Variants in ASPH observed in about 807,000 individuals in gnomAD.
ASPH encodes the protein aspartyl/asparaginyl beta-hydroxylase.
In ASPH, 100 loss-of-function variants were observed where a neutral mutation model predicts 118.4. The ratio of observed to expected loss-of-function variants is 0.84; its 90% confidence interval spans 0.72 to 1.00. ASPH has a LOEUF of 1.00. Among genes scored for constraint, ASPH ranks in the 50% least tolerant of loss-of-function variants. ASPH has a pLI of 0.00. For missense variants in ASPH, 920 were observed against 919.5 expected (o/e 1.00, Z -0.01); for synonymous variants, 315 against 325.6 (o/e 0.97, Z 0.35).
At chr8:61,600,327 A>G (rs939585470) in intron 14 of ASPH, among the ~76,000 whole-genome samples, 4 of 148,150 alleles carry the variant, frequency 2.7e-5, no homozygotes, top group Middle Eastern at 3.5e-3. Flanking sequence ...AATAAGAAAA[A>G]GGTGTTTACT....
intron 14 of ASPH, among the ~76,000 whole-genome samples, chr8:61,609,661 T>C (rs1321398307): frequency 6.6e-6 from 1 of 152,190 alleles, no homozygotes; most frequent in Non-Finnish European, 1.5e-5. Context: ...TGTCAATATA[T>C]ATTTGATTTT....
intron 19 of ASPH, among the ~76,000 whole-genome samples, chr8:61,554,870 T>G (rs191127911): frequency 6.6e-6 from 1 of 152,160 alleles, no homozygotes; most frequent in African/African-American, 2.4e-5. Flanking sequence ...TGCCACCACA[T>G]CTGGTTGATT....
At chr8:61,714,218 C>A in intron 1 of ASPH, 51 bp downstream of exon 1, 1 of 1,382,506 alleles carries the variant, frequency 7.2e-7, no homozygotes, top group Non-Finnish European at 9.3e-7. Context: ...CGCCAGCCGG[C>A]TCCCTACCCC....
intron 14 of ASPH, among the ~76,000 whole-genome samples, chr8:61,594,741 T>C (rs909121299): frequency 1.3e-5 from 2 of 152,220 alleles, no homozygotes; most frequent in Non-Finnish European, 2.9e-5. Context: ...TAGATTAAGT[T>C]TTGTCATAGT....
At chr8:61,671,524 T>C (rs1303351759) in intron 3 of ASPH, among the ~76,000 whole-genome samples, 2 of 152,194 alleles carry the variant, frequency 1.3e-5, no homozygotes, top group Non-Finnish European at 2.9e-5. Flanking sequence ...TATTCCAATT[T>C]AAGAAATAAT....
chr8:61,700,590 C>G (rs374041280), intron 1 of ASPH, among the ~76,000 whole-genome samples: 53 of 152,190 alleles, frequency 3.5e-4, no homozygotes, highest in African/African-American at 8.0e-4. Flanking sequence ...ACAAAATGTG[C>G]TTCCATATGT....
In ASPH at chr8:61,518,127, G is replaced by C. The variant is rs565699643; in HGVS notation, c.1901-4C>G. ...CAGGCATTTTCATTTCTTCTTCCTAGAATAAATAACATAATTGTTGGAAAC... is the reference window on the plus strand; with the variant it reads ...CAGGCATTTTCATTTCTTCTTCCTACAATAAATAACATAATTGTTGGAAAC... On this transcript the variant is annotated splice_polypyrimidine_tract_variant and splice_region_variant and intron_variant, in intron 22 of 24. Transcript: ENST00000379454. 1.9e-6 allele frequency: 3 copies of C among 1,609,436 alleles called. No homozygotes were observed. In the African/African-American group the frequency reaches 4.0e-5, roughly 22 times the overall value.
intron 13 of ASPH, chr8:61,633,433 TAA>T (rs1856461840): frequency 6.4e-6 from 2 of 314,612 alleles, no homozygotes; most frequent in Non-Finnish European, 1.2e-5. Context: ...CCACCATCTA[TAA>T]TGGCAAAATC....
intron 16 of ASPH, among the ~76,000 whole-genome samples, chr8:61,568,499 CAGG>C (rs1832503611): frequency 6.6e-6 from 1 of 152,110 alleles, no homozygotes; most frequent in African/African-American, 2.4e-5. Context: ...AGTATAGAAT[CAGG>C]AGATTTGTTT....
chr8:61,550,438 T>TACACACACACACACACACACACAC (rs1208727854), intron 20 of ASPH, among the ~76,000 whole-genome samples: 1 of 71,530 alleles, frequency 1.4e-5, no homozygotes, highest in Non-Finnish European at 3.2e-5. Context: ...TATGCACATG[T>TACACACACACACACACACACACAC]ACATACACAC....
chr8:61,613,698 T>G (rs1848165673), intron 14 of ASPH, among the ~76,000 whole-genome samples: 1 of 151,916 alleles, frequency 6.6e-6, no homozygotes, highest in African/African-American at 2.4e-5. Context: ...GAAATGGGAG[T>G]GATAAAAGGG....
chr8:61,682,583 G>GT, intron 2 of ASPH: 1 of 1,157,742 alleles, frequency 8.6e-7, no homozygotes, highest in Non-Finnish European at 1.3e-6. Flanking sequence ...ACATATCACT[G>GT]TAAGTCAGTC....
intron 23 of ASPH, 102 bp from the exon 24 acceptor site, chr8:61,517,763 C>T (rs1811436487): frequency 7.1e-7 from 1 of 1,417,120 alleles, no homozygotes; most frequent in African/African-American, 1.4e-5. Flanking sequence ...TGGATTAGAG[C>T]CTTTGTAAGA....
intron 21 of ASPH, among the ~76,000 whole-genome samples, chr8:61,539,699 G>GGTGTGTGTGTGTGTGTGTGTGTGTGT (rs10522481): frequency 0.024 from 2,984 of 124,060 alleles, 136 homozygotes; most frequent in South Asian, 0.034. Context: ...ACACTTCTGG[G>GGTGTGTGTGTGTGTGTGTGTGTGTGT]GTGTGTGTGT....
intron 14 of ASPH, among the ~76,000 whole-genome samples, chr8:61,603,741 G>A (rs1252795357): frequency 6.6e-6 from 1 of 152,306 alleles, no homozygotes; most frequent in African/African-American, 2.4e-5. Context: ...GAAAGTGGTA[G>A]GGGGGAAGTA....
At chr8:61,544,301 G>T (rs1363070876) in intron 21 of ASPH, among the ~76,000 whole-genome samples, 1 of 152,154 alleles carries the variant, frequency 6.6e-6, no homozygotes, top group Non-Finnish European at 1.5e-5. Context: ...TAAAGAAGTT[G>T]ATTTTAACAA....
chr8:61,657,677 G>A (rs907826477), intron 3 of ASPH: 2 of 152,116 alleles, frequency 1.3e-5, no homozygotes, highest in Non-Finnish European at 2.9e-5. Context: ...GGTGACTGAG[G>A]CACCAAGAGA....
intron 3 of ASPH, among the ~76,000 whole-genome samples, chr8:61,674,840 G>A (rs923809121): frequency 2.8e-4 from 43 of 152,304 alleles, no homozygotes; most frequent in African/African-American, 1.0e-3. Context: ...AATAAAACGT[G>A]AGGAAGTGCA....
intron 3 of ASPH, chr8:61,675,591 C>T (rs1824852936): frequency 2.0e-6 from 2 of 979,826 alleles, no homozygotes; most frequent in South Asian, 4.7e-5. Flanking sequence ...TAGTAAAGAA[C>T]CATCATTTTA....
Sources: gnomAD v4.1 joint callset for allele counts (sites outside exome capture counted in the v4.1 genomes callset) on GRCh38, gnomAD v4.1.1 for gene constraint, MANE v1.5 for transcripts, NCBI Gene and HGNC (gene_info 2026-07-23, HGNC 2026-07-21) for gene names.